Variants in CLDN10 observed in about 807,000 individuals in gnomAD.
CLDN10 encodes the protein claudin-10.
A neutral mutation model predicts 22.9 loss-of-function variants in CLDN10; 15 were observed. The ratio of observed to expected loss-of-function variants is 0.65; its 90% CI spans 0.44 to 1.01. The LOEUF (loss-of-function observed/expected upper bound fraction) is 1.01, where lower values mean the gene tolerates loss of function less well. Ranked by LOEUF, CLDN10 falls within the 50% of genes least tolerant of loss-of-function variation. The pLI, the probability that CLDN10 is intolerant of heterozygous loss-of-function variation, is 0.00. For synonymous variants in CLDN10, 114 were observed against 111.4 expected, an observed-to-expected ratio of 1.02 and a Z score of -0.15; for missense variants, 247 against 287.8, an observed-to-expected ratio of 0.86 and a Z score of 1.03.
chr13:95,566,649 G>T (rs562592237), intron 3 of CLDN10, among the ~76,000 whole-genome samples: 1 of 152,222 alleles, frequency 6.6e-6, no homozygotes, highest in African/African-American at 2.4e-5. Context: ...GTCTATTTTG[G>T]CTTTTGTTGC....
intron 1 of CLDN10, among the ~76,000 whole-genome samples, chr13:95,438,767 T>C (rs141782873): frequency 0.07 from 10,597 of 152,022 alleles, 568 homozygotes; most frequent in East Asian, 0.25. Context: ...TCACCTGAGG[T>C]CAGGAGTTCA....
At chr13:95,484,799 G>A (rs1654299308) in intron 1 of CLDN10, among the ~76,000 whole-genome samples, 1 of 149,278 alleles carries the variant, frequency 6.7e-6, no homozygotes, top group African/African-American at 2.5e-5. Flanking sequence ...CCAGGAGGTG[G>A]AGGTTGGAAT....
At chr13:95,576,379 C>T (rs1314240070) in intron 3 of CLDN10, among the ~76,000 whole-genome samples, 1 of 152,154 alleles carries the variant, frequency 6.6e-6, no homozygotes, top group Non-Finnish European at 1.5e-5. Flanking sequence ...TTATGGGCCC[C>T]AAATAAGAGT....
intron 1 of CLDN10, among the ~76,000 whole-genome samples, chr13:95,474,890 G>A (rs924767823): frequency 3.9e-5 from 6 of 152,182 alleles, no homozygotes; most frequent in African/African-American, 1.4e-4. Context: ...TGCTGCAGGT[G>A]CCAGAGGGAG....
intron 1 of CLDN10, among the ~76,000 whole-genome samples, chr13:95,538,282 C>T (rs532522900): frequency 2.0e-5 from 3 of 150,522 alleles, no homozygotes; most frequent in African/African-American, 7.3e-5. Context: ...ACCTTACAGG[C>T]GCCCACCACC....
intron 1 of CLDN10, among the ~76,000 whole-genome samples, chr13:95,461,075 G>GCACTC (rs1414161895): frequency 1.3e-5 from 2 of 152,076 alleles, no homozygotes; most frequent in Non-Finnish European, 2.9e-5. Flanking sequence ...TCAGCTCACT[G>GCACTC]CACTCCAGCC....
intron 1 of CLDN10, among the ~76,000 whole-genome samples, chr13:95,544,532 C>G (rs866926037): frequency 2.0e-5 from 3 of 152,244 alleles, no homozygotes; most frequent in Middle Eastern, 3.4e-3. Context: ...TTTACAAACC[C>G]TAAATCATAG....
At chr13:95,473,465 C>A (rs949359699) in intron 1 of CLDN10, among the ~76,000 whole-genome samples, 2 of 152,216 alleles carry the variant, frequency 1.3e-5, no homozygotes, top group Admixed American at 1.3e-4. Flanking sequence ...GCCTGCATGC[C>A]AAGTGATGAG....
intron 3 of CLDN10, among the ~76,000 whole-genome samples, chr13:95,563,330 T>C (rs1267559103): frequency 2.6e-5 from 4 of 152,176 alleles, no homozygotes; most frequent in African/African-American, 9.7e-5. Context: ...GTATAGTATG[T>C]AAGATGTGGC....
At chr13:95,517,088 C>A in intron 1 of CLDN10, among the ~76,000 whole-genome samples, 1 of 128,292 alleles carries the variant, frequency 7.8e-6, no homozygotes, top group Admixed American at 7.7e-5. Flanking sequence ...CCTTCCCTGT[C>A]CTCCTCCCTC....
At chr13:95,553,792 T>C (rs2043600040) in intron 1 of CLDN10, among the ~76,000 whole-genome samples, 1 of 152,162 alleles carries the variant, frequency 6.6e-6, no homozygotes, top group Non-Finnish European at 1.5e-5. Flanking sequence ...CTTATGCTGG[T>C]AGCAGCTGGT....
At chr13:95,464,249 CG>C (rs1182468386) in intron 1 of CLDN10, among the ~76,000 whole-genome samples, 3 of 152,068 alleles carry the variant, frequency 2.0e-5, no homozygotes, top group Non-Finnish European at 4.4e-5. Flanking sequence ...CTATCCCTCC[CG>C]CCTTCCCCCA....
chr13:95,547,737 AG>A (rs1048390791), upstream of CLDN10, among the ~76,000 whole-genome samples: 12 of 152,332 alleles, frequency 7.9e-5, no homozygotes, highest in Middle Eastern at 3.4e-3. Flanking sequence ...CTGACTCTTA[AG>A]TGAATGAAAG....
intron 1 of CLDN10, among the ~76,000 whole-genome samples, chr13:95,522,044 G>T (rs183614995): frequency 6.6e-6 from 1 of 151,758 alleles, no homozygotes; most frequent in Non-Finnish European, 1.5e-5. Context: ...TGTTTGTGCT[G>T]CTTCTTTTCT....
chr13:95,482,607 C>T (rs2042761535), intron 1 of CLDN10, among the ~76,000 whole-genome samples: 1 of 152,174 alleles, frequency 6.6e-6, no homozygotes. Context: ...CTGTGTTACC[C>T]AGGAGCTCAG....
chr13:95,568,694 T>C (rs966881647), intron 3 of CLDN10, among the ~76,000 whole-genome samples: 2 of 152,170 alleles, frequency 1.3e-5, no homozygotes, highest in African/African-American at 4.8e-5. Context: ...CGAAACCATG[T>C]GTTACTCACT....
chr13:95,508,704 A>G (rs1282953562), intron 1 of CLDN10, among the ~76,000 whole-genome samples: 3 of 152,232 alleles, frequency 2.0e-5, no homozygotes, highest in South Asian at 2.1e-4. Flanking sequence ...TCTGGACATC[A>G]TGGGAGACTT....
intron 1 of CLDN10, among the ~76,000 whole-genome samples, chr13:95,438,555 G>A (rs2042294249): frequency 6.6e-6 from 1 of 152,242 alleles, no homozygotes. Context: ...TCAGTGGAAT[G>A]AAACCAAACA....
chr13:95,577,368 A>G, intron 4 of CLDN10, 30 bp downstream of exon 4: 1 of 1,317,448 alleles, frequency 7.6e-7, no homozygotes. Context: ...ATGACCTGTT[A>G]AAAAGTAGAA....
Sources: gnomAD v4.1 joint callset for allele counts (sites outside exome capture counted in the v4.1 genomes callset) on GRCh38, gnomAD v4.1.1 for gene constraint, MANE v1.5 for transcripts, NCBI Gene and HGNC (gene_info 2026-07-23, HGNC 2026-07-21) for gene names.